SRC: variants seen among roughly 807,000 people sequenced by gnomAD.
The protein encoded by SRC is proto-oncogene tyrosine-protein kinase Src.
Under a neutral mutation model 62.9 loss-of-function variants are expected in SRC, and 13 were observed. The ratio of observed to expected loss-of-function variants is 0.21; its 90% CI spans 0.13 to 0.33. The LOEUF (loss-of-function observed/expected upper bound fraction) is 0.33. Ranked by LOEUF, SRC falls within the 10% of genes least tolerant of loss-of-function variation. The pLI is 1.00. For missense variants in SRC, 457 were observed against 737.3 expected (o/e 0.62, Z 4.40); for synonymous variants, 302 against 317.5 (o/e 0.95, Z 0.52).
rs1475181251 is a variant in SRC, at chr20:37,384,281, C to G, written c.128C>G (p.Ser43Trp). The change falls in exon 4 of 14, where the codon TCG (serine) becomes TGG (tryptophan). Residue 43 changes from serine to tryptophan, a missense_variant. Around this residue, in one of 4 missense-constraint regions of SRC, gnomAD observed 132 missense variants for 135.4 expected, o/e 0.98. Transcript: ENST00000373578. The surrounding 1 kb of genome is among the most constrained non-coding windows in gnomAD (Gnocchi z 6.7). ...PASQTPSKPASADGHRGPSAA... is the reference protein window; with the variant it reads ...PASQTPSKPAWADGHRGPSAA... ...TCGCAGACCCCCAGCAAGCCAGCCT[C>G]GGCCGACGGCCACCGCGGCCCCAGC... is the stretch of plus-strand genomic sequence containing the variant. 1.3e-6 allele frequency: 2 copies of G among 1,516,022 alleles called. No homozygotes were observed. Among genetic ancestry groups the G allele is most frequent in the East Asian group, 5.5e-5 (2 of 36,456 alleles). 93.9% of individuals were successfully genotyped at this position (1,516,022 alleles called of 1,614,324 possible).
intron 1 of SRC, among the ~76,000 whole-genome samples, chr20:37,358,140 C>T (rs1475294479): frequency 1.3e-5 from 2 of 152,222 alleles, no homozygotes; most frequent in Non-Finnish European, 2.9e-5. Flanking sequence ...GGCACAGTAA[C>T]GGTCCCTACC....
At chr20:37,386,377 CT>C (rs966539528) in intron 5 of SRC, 1 of 720,698 alleles carries the variant, frequency 1.4e-6, no homozygotes, top group African/African-American at 1.7e-5. Context: ...TGGGGAACTC[CT>C]CCCAATCCCT....
chr20:37,354,486 T>G (rs747182), intron 1 of SRC, among the ~76,000 whole-genome samples: 1 of 152,044 alleles, frequency 6.6e-6, no homozygotes, highest in Non-Finnish European at 1.5e-5. Flanking sequence ...AGGACTCAAT[T>G]TTCTCATCTG....
At chr20:37,394,621 G>C (rs981139369) in intron 7 of SRC, among the ~76,000 whole-genome samples, 2 of 152,064 alleles carry the variant, frequency 1.3e-5, no homozygotes, top group African/African-American at 4.8e-5. Flanking sequence ...TTCCCCAGGG[G>C]TCCCTGGGCT....
At chr20:37,386,623 C>A in intron 5 of SRC, 1 of 659,874 alleles carries the variant, frequency 1.5e-6, no homozygotes. Flanking sequence ...CTCCCCCCTC[C>A]ACCAATTTGA....
At chr20:37,360,217 T>G (rs1478109451) in intron 1 of SRC, among the ~76,000 whole-genome samples, 1 of 128,834 alleles carries the variant, frequency 7.8e-6, no homozygotes, top group Non-Finnish European at 1.6e-5. Context: ...TCTCTCTCTC[T>G]CTTTTTTTTT....
At chr20:37,348,465 C>T (rs6090529) in intron 1 of SRC, among the ~76,000 whole-genome samples, 41,466 of 152,034 alleles carry the variant, frequency 0.27, 6,485 homozygotes, top group African/African-American at 0.41. Context: ...GCACCTGCTG[C>T]GTACCAGGAA....
chr20:37,388,892 C>T (rs2070497997), intron 5 of SRC, among the ~76,000 whole-genome samples: 1 of 152,126 alleles, frequency 6.6e-6, no homozygotes, highest in African/African-American at 2.4e-5. Context: ...ATCCCGGGGA[C>T]CCGCCTGCAT....
In SRC at chr20:37,384,145, G is replaced by A. The variant is rs774279724; in HGVS notation, c.-4-5G>A. The stretch of plus-strand genomic sequence containing the variant: ...TGTTCCAGTGTCTTCTCTCTCTCCT[G>A]CCAGGACCATGGGTAGCAACAAGAG... On this transcript the variant is annotated splice_polypyrimidine_tract_variant and splice_region_variant and intron_variant, in intron 3 of 13. Transcript: ENST00000373578. This position sits in a 1 kb window ranked among gnomAD's most constrained non-coding sequence, Gnocchi z 6.7. 6.2e-7 allele frequency: 1 copy of A among 1,600,038 alleles called. No individual in the cohort carries two copies. The highest frequency in any genetic ancestry group is 8.5e-7 in the Non-Finnish European group (1 of 1,176,630).
chr20:37,393,640 A>C, intron 5 of SRC: 1 of 428,658 alleles, frequency 2.3e-6, no homozygotes, highest in East Asian at 3.4e-5. Context: ...TCAGATGACC[A>C]AGGCCAGTCC....
chr20:37,355,810 T>C (rs1451290016), intron 1 of SRC, among the ~76,000 whole-genome samples: 1 of 152,002 alleles, frequency 6.6e-6, no homozygotes, highest in Non-Finnish European at 1.5e-5. Context: ...CAAAAATGTC[T>C]GGGGGTAGGA....
intron 2 of SRC, among the ~76,000 whole-genome samples, chr20:37,380,472 A>G (rs2070349348): frequency 6.6e-6 from 1 of 152,212 alleles, no homozygotes. Flanking sequence ...CGATGAGTCA[A>G]TGTTTGCAAA....
intron 2 of SRC, among the ~76,000 whole-genome samples, chr20:37,377,375 C>T (rs147243919): frequency 1.5e-3 from 234 of 152,328 alleles, no homozygotes; most frequent in Middle Eastern, 0.014. Context: ...AGGACTCGAA[C>T]CCAGGTTTGA....
chr20:37,397,731 A>G lies in SRC; in HGVS notation c.736A>G (p.Thr246Ala). 3 of 1,604,500 alleles carry G rather than the reference A, an allele frequency of 1.9e-6. No homozygotes were observed. Among genetic ancestry groups the G allele is most frequent in the Non-Finnish European group, 2.6e-6 (3 of 1,174,820 alleles). ...CGATGGCCTGTGCCACCGCCTCACCACCGTGTGCCCCACGTCCAAGCCGCA... is the reference window on the plus strand; with the variant it reads ...CGATGGCCTGTGCCACCGCCTCACCGCCGTGTGCCCCACGTCCAAGCCGCA... Reference protein sequence around the residue: ...HADGLCHRLTTVCPTSKPQTQ... With the variant: ...HADGLCHRLTAVCPTSKPQTQ... Residue 246 changes from threonine (T) to alanine (A), a missense_variant, in exon 9 of 14, where the codon ACC (threonine) becomes GCC (alanine). Physicochemically the swap from Thr to Ala is moderately conservative, Grantham distance 58 (BLOSUM62 0). This residue lies in a region of SRC where 141 missense variants were observed against 198.4 expected (regional missense o/e 0.71). Coordinates refer to ENST00000373578, the MANE Select transcript of SRC (RefSeq NM_198291.3). This position sits in a 1 kb window ranked among gnomAD's most constrained non-coding sequence, Gnocchi z 4.1.
chr20:37,373,196 A>T (rs2085337339), intron 2 of SRC, among the ~76,000 whole-genome samples: 1 of 149,928 alleles, frequency 6.7e-6, no homozygotes, highest in Non-Finnish European at 1.5e-5. Flanking sequence ...GTATACATAT[A>T]TGTACATATC....
intron 3 of SRC, among the ~76,000 whole-genome samples, chr20:37,383,945 C>A (rs56257628): frequency 0.25 from 37,177 of 150,692 alleles, 7,266 homozygotes; most frequent in African/African-American, 0.55. Flanking sequence ...CGTGTTGGCC[C>A]GGCAGGTCTC....
At chr20:37,364,024 A>T (rs1036457530) in intron 1 of SRC, among the ~76,000 whole-genome samples, 3 of 151,724 alleles carry the variant, frequency 2.0e-5, no homozygotes, top group African/African-American at 7.3e-5. Flanking sequence ...CACAGGCCTG[A>T]TACTACACCC....
In SRC at chr20:37,405,355, G is replaced by A. The variant is rs1472163021; in HGVS notation, c.*1976G>A. ...GGCCCAGACTTGCGGGGGGTGGGGG[G>A]GTATCCAGAATTGGTTGTAAATACT... On this transcript the variant is annotated 3_prime_UTR_variant, in exon 14 of 14. Coordinates refer to ENST00000373578, the MANE Select transcript of SRC (RefSeq NM_198291.3). The A allele has an allele frequency of 1.5e-5, 2 of 134,534 alleles. No individual in the cohort carries two copies. The highest frequency in any genetic ancestry group is 1.6e-5 in the Non-Finnish European group (1 of 64,148). The allele number at this position is 134,534 out of a possible 1,614,324, so 8.3% of individuals were successfully genotyped here.
chr20:37,366,649 G>T (rs1345511690), intron 2 of SRC, among the ~76,000 whole-genome samples: 1 of 152,050 alleles, frequency 6.6e-6, no homozygotes, highest in Admixed American at 6.6e-5. Flanking sequence ...TTTGTGGCTG[G>T]CTTCTTTCAC....
Sources: gnomAD v4.1 joint callset for allele counts (sites outside exome capture counted in the v4.1 genomes callset) on GRCh38, gnomAD v4.1.1 for gene constraint, gnomAD v4.1.1 regional missense constraint, Gnocchi (gnomAD v3.1) non-coding constraint, MANE v1.5 for transcripts, NCBI Gene and HGNC (gene_info 2026-07-23, HGNC 2026-07-21) for gene names.